MEPCE: variants seen among roughly 807,000 people sequenced by gnomAD.
The protein encoded by MEPCE is methylphosphate capping enzyme.
A neutral mutation model predicts 52.3 loss-of-function variants in MEPCE; 9 were observed. That is an observed-to-expected ratio of 0.17 (90% CI 0.10 to 0.30). The LOEUF (loss-of-function observed/expected upper bound fraction) is 0.30, where lower values mean the gene tolerates loss of function less well. Ranked by LOEUF, MEPCE falls within the 10% of genes least tolerant of loss-of-function variation. The pLI, the probability that MEPCE is intolerant of heterozygous loss-of-function variation, is 1.00. For synonymous variants in MEPCE, 477 were observed against 401.6 expected, an observed-to-expected ratio of 1.19 and a Z score of -2.25; for missense variants, 826 against 933.0, an observed-to-expected ratio of 0.89 and a Z score of 1.49.
Position 100,430,400 on chromosome 7 carries a change from G to C in MEPCE, c.382G>C (p.Ala128Pro), listed in dbSNP as rs866896143. ...GGGCGGGACAGAGCTGGGTCCCCCT[G>C]CTCCTCCTCGACCCCGCAATGGCTA... is the stretch of plus-strand genomic sequence containing the variant. ...GGGGTELGPP[A>P]PPRPRNGYQP... Residue 128 changes from alanine to proline, a missense_variant, in exon 1 of 4, where the codon GCT (alanine) becomes CCT (proline). By Grantham distance (27) the Ala-to-Pro change is conservative. This residue lies in a region of MEPCE where 314 missense variants were observed against 277.7 expected (regional missense o/e 1.13). Coordinates refer to ENST00000310512, the MANE Select transcript of MEPCE (RefSeq NM_019606.6). The C allele has an allele frequency of 2.2e-5, 33 of 1,525,032 alleles. No individual in the cohort carries two copies. The Middle Eastern group carries it at 1.5e-3, about 68-fold the overall frequency. The allele number at this position is 1,525,032 out of a possible 1,614,324, so 94.5% of individuals were successfully genotyped here. A position where few individuals can be genotyped will look rare whatever the true frequency, so the allele number is the denominator to read the frequency against.
chr7:100,432,227 C>G (rs916677843), intron 1 of MEPCE, among the ~76,000 whole-genome samples: 1 of 152,198 alleles, frequency 6.6e-6, no homozygotes, highest in Non-Finnish European at 1.5e-5. Flanking sequence ...GCTGTAGATC[C>G]TCTCCACATT....
Position 100,430,507 on chromosome 7 carries a change from A to C in MEPCE, c.489A>C (p.Lys163Asn). The C allele has an allele frequency of 1.3e-6, 2 of 1,580,296 alleles. No individual in the cohort carries two copies. Residue 163 changes from lysine (K) to asparagine (N), a missense_variant, in exon 1 of 4, where the codon AAA becomes AAC. Physicochemically the swap from Lys to Asn is moderately conservative, Grantham distance 94. Around this residue, in one of 7 missense-constraint regions of MEPCE, gnomAD observed 314 missense variants for 277.7 expected, o/e 1.13. Transcript: ENST00000310512. ...CNVGGGGGGF[K>N]HPAFKRRRRV... is the part of the protein sequence containing the mutation. ...TAGGGGGAGGCGGGGGAGGCTTCAA[A>C]CATCCGGCCTTCAAGAGGCGCAGGC...
intron 1 of MEPCE, 118 bp downstream of exon 1, chr7:100,431,807 G>A: frequency 1.0e-6 from 1 of 968,346 alleles, no homozygotes; most frequent in South Asian, 1.8e-5. Flanking sequence ...GTTGGCAAGT[G>A]AGAGCCTCTG....
upstream of MEPCE, chr7:100,429,760 T>G: frequency 1.7e-5 from 6 of 358,120 alleles, no homozygotes; most frequent in Admixed American, 4.7e-5. Flanking sequence ...CGCGGCCGGG[T>G]GGTAGTGGCG....
intron 3 of MEPCE, 41 bp downstream of exon 3, chr7:100,433,430 G>A (rs750115119): frequency 1.9e-6 from 3 of 1,613,970 alleles, no homozygotes; most frequent in Non-Finnish European, 1.7e-6. Flanking sequence ...GGTCCTGGCT[G>A]AAAGAGTGCA....
chr7:100,429,757 G>C (rs555803208), upstream of MEPCE: 8 of 368,710 alleles, frequency 2.2e-5, no homozygotes, highest in East Asian at 2.7e-4. Context: ...GCTCGCGGCC[G>C]GGTGGTAGTG....
In MEPCE at chr7:100,433,087, G is replaced by A; in HGVS notation, c.1840G>A (p.Val614Ile). The A allele has an allele frequency of 6.2e-7, 1 of 1,614,026 alleles. No homozygotes were observed. The highest frequency in any genetic ancestry group is 1.3e-5 in the African/African-American group (1 of 75,058). ...GCACCTACGCCCTGGGGGCATCCTG[G>A]TCCTAGAGCCCCAACCCTGGTCGTC... ...YRHLRPGGIL[V>I]LEPQPWSSYG... Residue 614 changes from valine (V) to isoleucine (I), a missense_variant, in exon 2 of 4, where the codon GTC (valine) becomes ATC (isoleucine). Transcript: ENST00000310512.
chr7:100,430,584 G>T lies in MEPCE; in HGVS notation c.566G>T (p.Gly189Val). 1 of 1,605,910 alleles carries T rather than the reference G, an allele frequency of 6.2e-7. No homozygotes were observed. The highest frequency in any genetic ancestry group is 8.5e-7 in the Non-Finnish European group (1 of 1,175,666). Residue 189 changes from glycine (G) to valine (V), a missense_variant, in exon 1 of 4, where the codon GGC becomes GTC. By Grantham distance (109) the Gly-to-Val change is moderately radical (BLOSUM62 -3). Around this residue, in one of 7 missense-constraint regions of MEPCE, gnomAD observed 4 missense variants for 21.8 expected, o/e 0.18. Transcript: ENST00000310512. ...SVLPSNFLLG[G>V]NIFDPLNLNS... ...TTACCCTCCAACTTCCTCCTGGGGG[G>T]CAATATCTTTGATCCCCTGAACCTG...
chr7:100,430,453 C>G lies in MEPCE; in HGVS notation c.435C>G (p.Gly145=). 1 of 1,554,814 alleles carries G rather than the reference C, an allele frequency of 6.4e-7. No homozygotes were observed. The highest frequency in any genetic ancestry group is 8.7e-7 in the Non-Finnish European group (1 of 1,153,886). The change falls in exon 1 of 4, where the codon GGC becomes GGG. Residue 145 remains glycine (G), a synonymous_variant. Coordinates refer to ENST00000310512, the MANE Select transcript of MEPCE (RefSeq NM_019606.6). ...AGCCCCACCGGCCACCTGGGGGGGG[C>G]GGGGGCAAGAGGAGAAATAGCTGTA... The part of the protein sequence containing the change: ...GYQPHRPPGG[G]GGKRRNSCNV...
Position 100,430,767 on chromosome 7 carries a change from T to G in MEPCE, c.749T>G (p.Val250Gly). 1 of 1,613,842 alleles carries G rather than the reference T, an allele frequency of 6.2e-7. No homozygotes were observed. The highest frequency in any genetic ancestry group is 8.5e-7 in the Non-Finnish European group (1 of 1,179,998). The change falls in exon 1 of 4, where the codon GTA becomes GGA. Residue 250 changes from valine to glycine, a missense_variant. Physicochemically the swap from Val to Gly is moderately radical, Grantham distance 109 (BLOSUM62 -3). Coordinates refer to ENST00000310512, the MANE Select transcript of MEPCE (RefSeq NM_019606.6). The part of the protein sequence containing the change: ...SLNTCTDEGH[V>G]VLASPLKTGR... ...AATACTTGCACTGATGAGGGCCATGTAGTTCTTGCTTCGCCACTCAAGACT... is the reference window on the plus strand; with the variant it reads ...AATACTTGCACTGATGAGGGCCATGGAGTTCTTGCTTCGCCACTCAAGACT...
chr7:100,429,184 T>G (rs1475936064), upstream of MEPCE: 3 of 152,050 alleles, frequency 2.0e-5, no homozygotes, highest in Non-Finnish European at 4.4e-5. Context: ...CAACAGCTCA[T>G]GAATAATTCA....
chr7:100,432,830 CG>C, intron 1 of MEPCE, 88 bp from the exon 2 acceptor site: 1 of 1,180,714 alleles, frequency 8.5e-7, no homozygotes, highest in South Asian at 1.3e-5. Flanking sequence ...AGTGAGGCCG[CG>C]GGACTGTATC....
chr7:100,430,787 A>T lies in MEPCE; in HGVS notation c.769A>T (p.Lys257Ter), dbSNP rs1377395241. The T allele has an allele frequency of 6.2e-7, 1 of 1,613,744 alleles. No homozygotes were observed. Residue 257 changes from lysine to a stop codon, truncating the protein, a stop_gained, in exon 1 of 4, where the codon AAG becomes TAG. Transcript: ENST00000310512. LOFTEE classifies it high-confidence loss of function. ...CCATGTAGTTCTTGCTTCGCCACTC[A>T]AGACTGGTCGGAAGCGGCATAGACA... ...EGHVVLASPL[K>*]TGRKRHRHRG...
intron 1 of MEPCE, 71 bp from the exon 2 acceptor site, chr7:100,432,848 A>C: frequency 7.1e-7 from 1 of 1,402,892 alleles, no homozygotes; most frequent in Non-Finnish European, 1.0e-6. Flanking sequence ...TATCGGCCTC[A>C]GAGCAGGTTG....
intron 1 of MEPCE, among the ~76,000 whole-genome samples, chr7:100,432,582 T>C (rs1798750047): frequency 6.6e-6 from 1 of 152,180 alleles, no homozygotes; most frequent in South Asian, 2.1e-4. Flanking sequence ...GAACCTGCAG[T>C]CACTCCACTT....
In MEPCE at chr7:100,430,636, C is replaced by T. The variant is rs772723449; in HGVS notation, c.618C>T (p.Ser206=). ...ATAGCCTCCTGGATGAGGAAGTGAG[C>T]CGCACTCTCAACGCGGAGACCCCTA... ...NLNSLLDEEV[S]RTLNAETPKS... is the part of the protein sequence containing the mutation. Residue 206 remains serine, a synonymous_variant, in exon 1 of 4, where the codon AGC becomes AGT. Transcript: ENST00000310512. 1.2e-6 allele frequency: 2 copies of T among 1,613,572 alleles called. No homozygotes were observed. The highest frequency in any genetic ancestry group is 4.5e-5 in the East Asian group (2 of 44,874).
In MEPCE at chr7:100,430,637, C is replaced by T. The variant is rs762403829; in HGVS notation, c.619C>T (p.Arg207Cys). 1 of 1,613,604 alleles carries T rather than the reference C, an allele frequency of 6.2e-7. No homozygotes were observed. The highest frequency in any genetic ancestry group is 8.5e-7 in the Non-Finnish European group (1 of 1,179,952). Residue 207 changes from arginine to cysteine, a missense_variant, in exon 1 of 4, where the codon CGC becomes TGC. Around this residue, in one of 7 missense-constraint regions of MEPCE, gnomAD observed 307 missense variants for 292.1 expected, o/e 1.05. Coordinates refer to ENST00000310512, the MANE Select transcript of MEPCE (RefSeq NM_019606.6). ...TAGCCTCCTGGATGAGGAAGTGAGC[C>T]GCACTCTCAACGCGGAGACCCCTAA... ...LNSLLDEEVSRTLNAETPKSS... is the reference protein window; with the variant it reads ...LNSLLDEEVSCTLNAETPKSS...
rs746171159 is a variant in MEPCE at position 100,431,033 on chromosome 7, C to T, written c.1015C>T (p.Pro339Ser). Reference protein sequence around the residue: ...VSPLPSALQGPSGSLSAPPAA... With the variant: ...VSPLPSALQGSSGSLSAPPAA... The stretch of plus-strand genomic sequence containing the variant: ...TCCCCTTCCATCTGCTCTGCAGGGT[C>T]CCTCAGGCTCCCTATCAGCCCCTCC... The change falls in exon 1 of 4, where the codon CCC (proline) becomes TCC (serine). Residue 339 changes from proline to serine, a missense_variant. Pro to Ser is a moderately conservative substitution (Grantham distance 74). Transcript: ENST00000310512. 2 of 1,613,764 alleles carry T rather than the reference C, an allele frequency of 1.2e-6. No individual in the cohort carries two copies. Among genetic ancestry groups the T allele is most frequent in the Non-Finnish European group, 8.5e-7 (1 of 1,180,032 alleles).
chr7:100,433,573 A>G lies in MEPCE; in HGVS notation c.*19A>G. On this transcript the variant is annotated 3_prime_UTR_variant, in exon 4 of 4. Transcript: ENST00000310512. ...CCACTAAGTGGCCCCCTAAACAGAA[A>G]GTGTGAAGAGGCTGCCCTCGCTGCT... 1.2e-6 allele frequency: 2 copies of G among 1,611,204 alleles called. No homozygotes were observed. Among genetic ancestry groups the G allele is most frequent in the Non-Finnish European group, 1.7e-6 (2 of 1,179,390 alleles).
Sources: gnomAD v4.1 joint callset for allele counts (sites outside exome capture counted in the v4.1 genomes callset) on GRCh38, gnomAD v4.1.1 for gene constraint, gnomAD v4.1.1 regional missense constraint, MANE v1.5 for transcripts, NCBI Gene and HGNC (gene_info 2026-07-23, HGNC 2026-07-21) for gene names.